Variants in MYO1E observed in about 807,000 individuals in gnomAD.
MYO1E encodes unconventional myosin-Ie.
MYO1E carries 68 observed loss-of-function variants against 151.1 expected under a neutral mutation model. The ratio of observed to expected loss-of-function variants is 0.45; its 90% CI spans 0.37 to 0.55. The LOEUF (loss-of-function observed/expected upper bound fraction) is 0.55. Ranked by LOEUF, MYO1E falls within the 20% of genes least tolerant of loss-of-function variation. MYO1E has a pLI of 0.00. For missense variants in MYO1E, 1,363 were observed against 1,389.3 expected (o/e 0.98, Z 0.30); for synonymous variants, 601 against 501.7 (o/e 1.20, Z -2.64).
chr15:59,302,181 C>T (rs567776069), intron 1 of MYO1E, among the ~76,000 whole-genome samples: 9 of 152,294 alleles, frequency 5.9e-5, no homozygotes, highest in Admixed American at 5.2e-4. Context: ...CACCTTGAGG[C>T]TAACAGAAAC....
rs759274124 is a variant in MYO1E at position 59,158,269 on chromosome 15, G to T, written c.2878+18C>A. On this transcript the variant is annotated intron_variant, in intron 25 of 27. Coordinates refer to ENST00000288235, the MANE Select transcript of MYO1E (RefSeq NM_004998.4). ...TCCAGATTTAGTGGTCCCAGACTAC[G>T]GTACGTAGCTGGCTTACCTGGGGGA... 6 of 1,532,976 alleles carry T rather than the reference G, an allele frequency of 3.9e-6. No individual in the cohort carries two copies. Among genetic ancestry groups the T allele is most frequent in the East Asian group, 2.4e-5 (1 of 42,056 alleles). The allele number at this position is 1,532,976 out of a possible 1,614,324, so 95.0% of individuals were successfully genotyped here.
At position 59,337,234 on chromosome 15, in the gene MYO1E, C is replaced by T. The variant is rs145502241; in HGVS notation, c.3+35264G>A. On this transcript the variant is annotated intron_variant, in intron 1 of 27. Transcript: ENST00000288235. ...AAGAGCCAGGATTCAAACCAGGGCT[C>T]CACACTCTAAATTTCTATTGAATAA... Among the ~76,000 whole-genome samples the T allele has an allele frequency of 1.1e-3, 165 of 152,232 alleles. 1 individual carries two copies. The highest frequency in any genetic ancestry group is 3.6e-3 in the African/African-American group (151 of 41,528).
At chr15:59,306,832 CTCATGA>C (rs536232418) in intron 1 of MYO1E, among the ~76,000 whole-genome samples, 142 of 152,366 alleles carry the variant, frequency 9.3e-4, no homozygotes, top group African/African-American at 3.3e-3. Flanking sequence ...GGTGCTCATG[CTCATGA>C]GTTGCTCATG....
At chr15:59,156,203 G>A (rs1276495536) in intron 25 of MYO1E, among the ~76,000 whole-genome samples, 1 of 151,748 alleles carries the variant, frequency 6.6e-6, no homozygotes, top group Non-Finnish European at 1.5e-5. Context: ...ATTTATTTTT[G>A]AGCCAGAGTG....
At position 59,206,672 on chromosome 15, in the gene MYO1E, G is replaced by A. The variant is rs147168085; in HGVS notation, c.1531-1187C>T. 3.2e-3 allele frequency: 1,518 copies of A among 468,180 alleles called. 50 individuals carry two copies. The Admixed American group carries it at 0.047, about 14-fold the overall frequency. 29.0% of individuals were successfully genotyped at this position (468,180 alleles called of 1,614,324 possible). A position where few individuals can be genotyped will look rare whatever the true frequency, so the allele number is the denominator to read the frequency against. On this transcript the variant is annotated intron_variant, in intron 14 of 27. Transcript: ENST00000288235. ...GGATCTCGGTTAGCCTCTTAAGCAT[G>A]TCAACTATTGATAATACTCTTAGCA...
At chr15:59,357,550 G>A (rs968125284) in intron 1 of MYO1E, among the ~76,000 whole-genome samples, 3 of 151,356 alleles carry the variant, frequency 2.0e-5, no homozygotes, top group Non-Finnish European at 4.4e-5. Flanking sequence ...TCAGCCTCCC[G>A]AGTAGCTAGG....
chr15:59,367,666 T>C (rs1163220903), intron 1 of MYO1E, among the ~76,000 whole-genome samples: 4 of 152,228 alleles, frequency 2.6e-5, no homozygotes. Flanking sequence ...ATGCCACTAC[T>C]GGGTATGCAG....
intron 1 of MYO1E, among the ~76,000 whole-genome samples, chr15:59,369,826 T>C (rs1474235443): frequency 1.3e-5 from 2 of 152,140 alleles, no homozygotes; most frequent in Non-Finnish European, 2.9e-5. Context: ...TGAGTCTTAG[T>C]AGGGCCTCAG....
intron 1 of MYO1E, among the ~76,000 whole-genome samples, chr15:59,365,655 A>C (rs2080908798): frequency 6.6e-6 from 1 of 152,252 alleles, no homozygotes; most frequent in African/African-American, 2.4e-5. Flanking sequence ...TCTACAATGT[A>C]GCCTATGTTT....
At chr15:59,146,742 G>A (rs1185665659) in intron 26 of MYO1E, among the ~76,000 whole-genome samples, 1 of 148,802 alleles carries the variant, frequency 6.7e-6, no homozygotes, top group East Asian at 1.9e-4. Flanking sequence ...ATTTATATAT[G>A]TAATATACAT....
Position 59,252,935 on chromosome 15 carries a change from G to A in MYO1E, c.332+3349C>T, listed in dbSNP as rs374880294. ...AAAGAAAAGAACCAAGGCCCCTGAA[G>A]AGACTGTGGATTCTACGCAGGAAAT... On this transcript the variant is annotated intron_variant, in intron 4 of 27. Coordinates refer to ENST00000288235, the MANE Select transcript of MYO1E (RefSeq NM_004998.4). Among the ~76,000 whole-genome samples, 12 of 152,232 alleles carry A rather than the reference G, an allele frequency of 7.9e-5. No individual in the cohort carries two copies. In the East Asian group the frequency reaches 1.5e-3, roughly 20 times the overall value.
intron 4 of MYO1E, among the ~76,000 whole-genome samples, chr15:59,244,022 C>A (rs1008220885): frequency 6.6e-6 from 1 of 152,066 alleles, no homozygotes; most frequent in Non-Finnish European, 1.5e-5. Flanking sequence ...AAAACTAATT[C>A]TCAAATACAT....
At chr15:59,185,545 G>A (rs1369148866) in intron 18 of MYO1E, among the ~76,000 whole-genome samples, 4 of 152,152 alleles carry the variant, frequency 2.6e-5, no homozygotes, top group Non-Finnish European at 5.9e-5. Flanking sequence ...GGGATTATAG[G>A]TGTGAGCCAC....
chr15:59,318,810 G>A (rs1245793163), intron 1 of MYO1E, among the ~76,000 whole-genome samples: 1 of 152,142 alleles, frequency 6.6e-6, no homozygotes, highest in African/African-American at 2.4e-5. Context: ...CCATTTTAAA[G>A]ATGAGGAAAA....
At chr15:59,253,792 T>C (rs2080178886) in intron 4 of MYO1E, among the ~76,000 whole-genome samples, 1 of 151,902 alleles carries the variant, frequency 6.6e-6, no homozygotes, top group African/African-American at 2.4e-5. Flanking sequence ...TTTTTAGATA[T>C]AACTATTAAT....
rs180739800 is a variant in MYO1E at position 59,270,621 on chromosome 15, C to A, written c.147+1685G>T. On this transcript the variant is annotated intron_variant, in intron 2 of 27. Coordinates refer to ENST00000288235, the MANE Select transcript of MYO1E (RefSeq NM_004998.4). The stretch of plus-strand genomic sequence containing the variant: ...ACAACTATATACAATTACTATTTGT[C>A]ATTTAAAAATACAATAAATTCACTT... Among the ~76,000 whole-genome samples the A allele has an allele frequency of 8.0e-5, 12 of 149,688 alleles. No homozygotes were observed. In the East Asian group the frequency reaches 2.3e-3, roughly 29 times the overall value.
chr15:59,180,322 A>T (rs539440721), intron 18 of MYO1E, among the ~76,000 whole-genome samples: 1 of 152,298 alleles, frequency 6.6e-6, no homozygotes, highest in East Asian at 1.9e-4. Context: ...AGTGAAAATG[A>T]GTAGGTGCTA....
At chr15:59,361,770 C>A (rs1195586937) in intron 1 of MYO1E, among the ~76,000 whole-genome samples, 1 of 151,976 alleles carries the variant, frequency 6.6e-6, no homozygotes, top group African/African-American at 2.4e-5. Context: ...TTCCTCTTTC[C>A]CCCTTCAGTA....
intron 1 of MYO1E, among the ~76,000 whole-genome samples, chr15:59,371,853 T>C (rs146391769): frequency 0.03 from 4,480 of 151,302 alleles, 143 homozygotes; most frequent in African/African-American, 0.077. Flanking sequence ...CGCGCCCGAG[T>C]CTCCCTGGCT....
Sources: gnomAD v4.1 joint callset for allele counts (sites outside exome capture counted in the v4.1 genomes callset) on GRCh38, gnomAD v4.1.1 for gene constraint, MANE v1.5 for transcripts, NCBI Gene and HGNC (gene_info 2026-07-23, HGNC 2026-07-21) for gene names.